CDYL: variants seen among roughly 807,000 people sequenced by gnomAD.
CDYL encodes chromodomain Y-like protein.
A neutral mutation model predicts 47.3 loss-of-function variants in CDYL; 8 were observed. The ratio of observed to expected loss-of-function variants is 0.17; its 90% confidence interval spans 0.10 to 0.31. The LOEUF (loss-of-function observed/expected upper bound fraction) is 0.31. Ranked by LOEUF, CDYL falls within the 10% of genes least tolerant of loss-of-function variation. The probability of loss-of-function intolerance (pLI) is 1.00; values close to 1 mark genes in which losing one functional copy is unlikely to be tolerated. For synonymous variants in CDYL, 266 were observed against 265.0 expected, an observed-to-expected ratio of 1.00 and a Z score of -0.04; for missense variants, 471 against 701.4, an observed-to-expected ratio of 0.67 and a Z score of 3.71.
At chr6:4,722,870 A>T (rs1243677915) in intron 2 of CDYL, among the ~76,000 whole-genome samples, 1 of 152,142 alleles carries the variant, frequency 6.6e-6, no homozygotes, top group Non-Finnish European at 1.5e-5. Flanking sequence ...AGAGTGAGAC[A>T]TTGTCTCAAA....
intron 1 of CDYL, chr6:4,890,037 C>T (rs1008127796): frequency 3.0e-6 from 3 of 985,340 alleles, no homozygotes; most frequent in African/African-American, 1.7e-5. Context: ...CCACCAGGCT[C>T]CTGCCTCGGC....
chr6:4,708,389 G>T (rs1757085884), intron 1 of CDYL, among the ~76,000 whole-genome samples: 1 of 151,976 alleles, frequency 6.6e-6, no homozygotes, highest in Admixed American at 6.6e-5. Flanking sequence ...CAAACTCCTG[G>T]TCTCAAGTGA....
chr6:4,718,804 CT>C (rs1179117380), intron 2 of CDYL, among the ~76,000 whole-genome samples: 1 of 151,846 alleles, frequency 6.6e-6, no homozygotes, highest in Non-Finnish European at 1.5e-5. Flanking sequence ...GTATCATGGC[CT>C]TTTTTGACAT....
intron 1 of CDYL, among the ~76,000 whole-genome samples, chr6:4,821,925 A>G (rs1337362916): frequency 6.6e-6 from 1 of 152,126 alleles, no homozygotes. Flanking sequence ...GCAATAACGT[A>G]TGTACCAGCC....
intron 5 of CDYL, among the ~76,000 whole-genome samples, chr6:4,950,773 CA>C (rs998001701): frequency 6.6e-6 from 1 of 150,754 alleles, no homozygotes; most frequent in African/African-American, 2.4e-5. Context: ...CCAAAAAATA[CA>C]AAAAAAAATT....
Position 4,922,666 on chromosome 6 carries a change from C to T in CDYL, c.692-12849C>T, listed in dbSNP as rs147951347. 6.4e-4 allele frequency among the ~76,000 whole-genome samples: 97 copies of T among 152,332 alleles called. 1 individual carries two copies. Among genetic ancestry groups the T allele is most frequent in the African/African-American group, 2.3e-3 (94 of 41,574 alleles). On this transcript the variant is annotated intron_variant, in intron 2 of 6. Transcript: ENST00000397588. ...TTCCCCTTTTATCATTGTTATTTAT[C>T]TGTGTTAATTACCTGGACTTGAACA... is the stretch of plus-strand genomic sequence containing the variant.
chr6:4,859,603 T>C (rs1761105732), intron 1 of CDYL, among the ~76,000 whole-genome samples: 1 of 152,172 alleles, frequency 6.6e-6, no homozygotes, highest in South Asian at 2.1e-4. Context: ...CTTAGGTAAT[T>C]AGATTATTTT....
Position 4,797,427 on chromosome 6 carries a change from C to CTT in CDYL, c.24+20632_24+20633dup, listed in dbSNP as rs77314083. Among the ~76,000 whole-genome samples the CTT allele has an allele frequency of 3.6e-3, 508 of 140,946 alleles. 2 individuals are homozygous for CTT. The highest frequency in any genetic ancestry group is 0.012 in the African/African-American group (461 of 38,858). 92.5% of individuals were successfully genotyped at this position (140,946 alleles called of 152,430 possible). ...ACATCTTTTTCTTTTCTTTTCATTT[C>CTT]TTTTTTTTTTTTTGAGATATAGTTC... is the stretch of plus-strand genomic sequence containing the variant. On this transcript the variant is annotated intron_variant, in intron 1 of 6. Transcript: ENST00000397588.
intron 2 of CDYL, among the ~76,000 whole-genome samples, chr6:4,726,033 A>G (rs1757506597): frequency 6.6e-6 from 1 of 152,086 alleles, no homozygotes; most frequent in Non-Finnish European, 1.5e-5. Context: ...GGAACATCAC[A>G]GGAAATCATC....
chr6:4,753,126 G>A (rs928832571), intron 3 of CDYL, among the ~76,000 whole-genome samples: 1 of 152,046 alleles, frequency 6.6e-6, no homozygotes, highest in Non-Finnish European at 1.5e-5. Context: ...AGCTCGGGCT[G>A]GACTCGAACT....
chr6:4,835,515 G>T (rs1475709925), intron 1 of CDYL, among the ~76,000 whole-genome samples: 1 of 152,236 alleles, frequency 6.6e-6, no homozygotes, highest in East Asian at 1.9e-4. Flanking sequence ...CTGCTCAGGG[G>T]TCAGGGGTCA....
chr6:4,860,373 C>CT (rs1761129391), intron 1 of CDYL, among the ~76,000 whole-genome samples: 1 of 151,710 alleles, frequency 6.6e-6, no homozygotes, highest in African/African-American at 2.4e-5. Flanking sequence ...ATTCTCCTAA[C>CT]TACTATGGTG....
At chr6:4,904,517 C>T (rs1009792266) in intron 2 of CDYL, among the ~76,000 whole-genome samples, 6 of 152,226 alleles carry the variant, frequency 3.9e-5, no homozygotes, top group East Asian at 3.8e-4. Flanking sequence ...CCATTCACTG[C>T]GCCCCTCCCT....
intron 1 of CDYL, among the ~76,000 whole-genome samples, chr6:4,842,918 G>C (rs1760544172): frequency 6.6e-6 from 1 of 152,010 alleles, no homozygotes; most frequent in South Asian, 2.1e-4. Context: ...TCAAGGATTT[G>C]TTTCAAGATT....
chr6:4,858,977 C>G (rs796511074), intron 1 of CDYL, among the ~76,000 whole-genome samples: 5 of 152,234 alleles, frequency 3.3e-5, no homozygotes, highest in Admixed American at 1.3e-4. Flanking sequence ...GCAGGGGTCT[C>G]TGCTCATTCT....
At chr6:4,788,122 C>T (rs989123374) in intron 1 of CDYL, among the ~76,000 whole-genome samples, 4 of 151,966 alleles carry the variant, frequency 2.6e-5, no homozygotes, top group African/African-American at 9.7e-5. Flanking sequence ...GGTCAGGGTC[C>T]TTCTTTTGGG....
chr6:4,900,832 T>TATATATATATAGATA (rs1757029623), intron 2 of CDYL, among the ~76,000 whole-genome samples: 1 of 97,950 alleles, frequency 1.0e-5, no homozygotes, highest in African/African-American at 3.6e-5. Flanking sequence ...TATATATATC[T>TATATATATATAGATA]TGCCTGTTTT....
chr6:4,745,506 G>A (rs531951344), intron 3 of CDYL, among the ~76,000 whole-genome samples: 2 of 152,210 alleles, frequency 1.3e-5, no homozygotes, highest in African/African-American at 4.8e-5. Flanking sequence ...GGAGGCTGAG[G>A]TGGGCAGAAA....
intron 1 of CDYL, among the ~76,000 whole-genome samples, chr6:4,869,478 T>G (rs1761414408): frequency 6.6e-6 from 1 of 152,172 alleles, no homozygotes; most frequent in South Asian, 2.1e-4. Context: ...TGGTTTTAGT[T>G]TGTCAGTTTG....
Sources: gnomAD v4.1 joint callset for allele counts (sites outside exome capture counted in the v4.1 genomes callset) on GRCh38, gnomAD v4.1.1 for gene constraint, MANE v1.5 for transcripts, NCBI Gene and HGNC (gene_info 2026-07-23, HGNC 2026-07-21) for gene names.